Variants in RAD51 observed in about 807,000 individuals in gnomAD.
RAD51 encodes RAD51 recombinase.
In RAD51, 14 loss-of-function variants were observed where a neutral mutation model predicts 41.5. The ratio of observed to expected loss-of-function variants is 0.34; its 90% confidence interval spans 0.22 to 0.53. The LOEUF is 0.53. RAD51 is among the 20% of genes least tolerant of loss of function. The pLI is 0.95. For synonymous variants in RAD51, 136 were observed against 148.6 expected (o/e 0.92, Z 0.62); for missense variants, 234 against 422.0 (o/e 0.55, Z 3.90).
intron 9 of RAD51, 79 bp from the exon 10 acceptor site, chr15:40,730,976 T>A (rs1896850363): frequency 3.1e-6 from 5 of 1,588,198 alleles, no homozygotes; most frequent in Admixed American, 3.4e-5. Flanking sequence ...TCTAAAAAAT[T>A]TTCAGCTCTG....
intron 7 of RAD51, among the ~76,000 whole-genome samples, chr15:40,729,152 C>A (rs1896738725): frequency 6.6e-6 from 1 of 151,994 alleles, no homozygotes; most frequent in Admixed American, 6.6e-5. Context: ...GCGGGTGGAT[C>A]ACAAGGTCAG....
intron 5 of RAD51, among the ~76,000 whole-genome samples, chr15:40,714,054 CCT>C (rs1368853082): frequency 7.6e-6 from 1 of 131,850 alleles, no homozygotes; most frequent in Non-Finnish European, 1.5e-5. Flanking sequence ...TTCTTGAACT[CCT>C]GAGCGCAAGC....
chr15:40,698,192 T>TG (rs1239765928), intron 1 of RAD51, among the ~76,000 whole-genome samples: 3 of 151,914 alleles, frequency 2.0e-5, no homozygotes, highest in Non-Finnish European at 4.4e-5. Context: ...ACTTTTTTTT[T>TG]TTTGTTTTTT....
intron 6 of RAD51, among the ~76,000 whole-genome samples, chr15:40,719,927 C>G (rs1896188592): frequency 6.6e-6 from 1 of 151,866 alleles, no homozygotes; most frequent in Non-Finnish European, 1.5e-5. Flanking sequence ...AAGATACACA[C>G]ACGCCTAACA....
intron 6 of RAD51, among the ~76,000 whole-genome samples, 170 bp from the exon 7 acceptor site, chr15:40,728,541 T>C (rs997016450): frequency 6.6e-6 from 1 of 152,196 alleles, no homozygotes; most frequent in African/African-American, 2.4e-5. Context: ...TCTCTCTGCT[T>C]ATAGTTTGCC....
chr15:40,708,577 ATTTGTTTG>A (rs45626433), intron 4 of RAD51, among the ~76,000 whole-genome samples: 21 of 150,066 alleles, frequency 1.4e-4, no homozygotes, highest in East Asian at 4.0e-4. Flanking sequence ...CTTTTGGTTT[ATTTGTTTG>A]TTTGTTTGTT....
chr15:40,731,631 A>G lies in RAD51; in HGVS notation c.*453A>G. On this transcript the variant is annotated 3_prime_UTR_variant, in exon 10 of 10. Transcript: ENST00000267868. ...CAGATTCTTTTTTTCTGTCAGTAAA[A>G]CTCTCAAGCAGGTTTTTAAGTTGTC... 1 of 242,280 alleles carries G rather than the reference A, an allele frequency of 4.1e-6. No individual in the cohort carries two copies. Among genetic ancestry groups the G allele is most frequent in the Non-Finnish European group, 8.2e-6 (1 of 122,326 alleles). The allele number at this position is 242,280 out of a possible 1,614,324, so 15.0% of individuals were successfully genotyped here. A position where few individuals can be genotyped will look rare whatever the true frequency, so the allele number is the denominator to read the frequency against.
intron 5 of RAD51, among the ~76,000 whole-genome samples, chr15:40,715,926 T>C (rs1389277013): frequency 6.6e-6 from 1 of 152,264 alleles, no homozygotes; most frequent in East Asian, 1.9e-4. Flanking sequence ...TTCTGCTCTC[T>C]GTCCTCTTGG....
At chr15:40,728,148 C>T (rs1896683182) in intron 6 of RAD51, among the ~76,000 whole-genome samples, 1 of 152,152 alleles carries the variant, frequency 6.6e-6, no homozygotes. Flanking sequence ...GCGTGAGCCA[C>T]CGCACCTGGC....
At chr15:40,724,994 G>A (rs1225210178) in intron 6 of RAD51, among the ~76,000 whole-genome samples, 2 of 149,532 alleles carry the variant, frequency 1.3e-5, no homozygotes, top group African/African-American at 5.0e-5. Flanking sequence ...CCGCTTCCCG[G>A]GTCCACGCCA....
intron 5 of RAD51, among the ~76,000 whole-genome samples, chr15:40,711,417 C>T (rs1567044439): frequency 6.6e-6 from 1 of 152,136 alleles, no homozygotes; most frequent in Non-Finnish European, 1.5e-5. Flanking sequence ...TTGCTAGTGC[C>T]TAAGGCAGTG....
In RAD51 at chr15:40,704,198, T is replaced by C. The variant is rs891842571; in HGVS notation, c.226-1979T>C. ...AAGCGATTCTCCTGCCTCAGCCTCC[T>C]GAGTGGCTGGGATTACAGGCACGTG... On this transcript the variant is annotated intron_variant, in intron 3 of 9. Transcript: ENST00000267868. Among the ~76,000 whole-genome samples the C allele has an allele frequency of 2.6e-5, 4 of 151,470 alleles. No homozygotes were observed. The South Asian group carries it at 6.2e-4, about 24-fold the overall frequency.
chr15:40,730,122 G>A (rs962335302), intron 9 of RAD51, 148 bp downstream of exon 9: 23 of 1,188,314 alleles, frequency 1.9e-5, no homozygotes, highest in East Asian at 1.3e-4. Flanking sequence ...ACATGCTCTC[G>A]TTGGTATAGA....
In RAD51 at chr15:40,731,945, C is replaced by A. The variant is rs1401896316; in HGVS notation, c.*767C>A. On this transcript the variant is annotated 3_prime_UTR_variant, in exon 10 of 10. Transcript: ENST00000267868. ...AAATGCAGAACTTAATCTGGACACA[C>A]TGTTACACGTGCCTGTAGTCCCAGC... 9.6e-6 allele frequency: 2 copies of A among 208,590 alleles called. No individual in the cohort carries two copies. Among genetic ancestry groups the A allele is most frequent in the Non-Finnish European group, 1.9e-5 (2 of 102,570 alleles). 12.9% of individuals were successfully genotyped at this position (208,590 alleles called of 1,614,324 possible).
intron 6 of RAD51, among the ~76,000 whole-genome samples, chr15:40,720,879 G>T (rs536812103): frequency 1.4e-3 from 210 of 152,316 alleles, no homozygotes; most frequent in African/African-American, 4.9e-3. Flanking sequence ...GAAAACTCAA[G>T]ATTACTAAAA....
At chr15:40,729,089 C>T (rs1460587361) in intron 7 of RAD51, among the ~76,000 whole-genome samples, 1 of 151,854 alleles carries the variant, frequency 6.6e-6, no homozygotes, top group Non-Finnish European at 1.5e-5. Flanking sequence ...CATCTATATA[C>T]AGGCCGGGCG....
chr15:40,713,991 A>ATTTTTTTT (rs1178951720), intron 5 of RAD51, among the ~76,000 whole-genome samples: 3 of 72,630 alleles, frequency 4.1e-5, no homozygotes, highest in Admixed American at 1.7e-4. Flanking sequence ...TCAGAAATAA[A>ATTTTTTTT]TTCTTTTTTT....
At position 40,731,510 on chromosome 15, in the gene RAD51, G is replaced by A; in HGVS notation, c.*332G>A. On this transcript the variant is annotated 3_prime_UTR_variant, in exon 10 of 10. Transcript: ENST00000267868. ...CTACTGGACAATCTTATGTTTCCAA[G>A]AGAACTAAAGCTGGAGAGACCTGAC... 1 of 386,032 alleles carries A rather than the reference G, an allele frequency of 2.6e-6. No homozygotes were observed. Among genetic ancestry groups the A allele is most frequent in the Non-Finnish European group, 4.8e-6 (1 of 208,008 alleles). The allele number at this position is 386,032 out of a possible 1,614,324, so 23.9% of individuals were successfully genotyped here. A position where few individuals can be genotyped will look rare whatever the true frequency, so the allele number is the denominator to read the frequency against.
At chr15:40,704,377 T>C (rs1025483062) in intron 3 of RAD51, among the ~76,000 whole-genome samples, 31 of 150,876 alleles carry the variant, frequency 2.1e-4, no homozygotes, top group African/African-American at 6.8e-4. Flanking sequence ...TTTTTTTTTT[T>C]TTCTGATGCA....
Sources: allele counts gnomAD v4.1 joint callset (sites outside exome capture counted in the v4.1 genomes callset), GRCh38; gene constraint gnomAD v4.1.1; transcripts MANE v1.5; gene names NCBI Gene and HGNC (gene_info 2026-07-23, HGNC 2026-07-21).